The following FAM171A1 variants were observed in gnomAD, a reference collection of about 807,000 sequenced individuals.
The protein encoded by FAM171A1 is protein FAM171A1.
In FAM171A1, 23 loss-of-function variants were observed where a neutral mutation model predicts 74.9. The observed-to-expected ratio is 0.31, with a 90% CI of 0.22 to 0.44. The LOEUF (loss-of-function observed/expected upper bound fraction) is 0.44, where lower values mean the gene tolerates loss of function less well. Among genes scored for constraint, FAM171A1 ranks in the 20% least tolerant of loss-of-function variants. The pLI, the probability that FAM171A1 is intolerant of heterozygous loss-of-function variation, is 1.00. For synonymous variants in FAM171A1, 527 were observed against 505.7 expected (o/e 1.04, Z -0.57); for missense variants, 1,162 against 1,159.2 (o/e 1.00, Z -0.03).
chr10:15,361,439 T>A (rs1375828948), intron 1 of FAM171A1, among the ~76,000 whole-genome samples: 1 of 152,166 alleles, frequency 6.6e-6, no homozygotes, highest in East Asian at 1.9e-4. Context: ...TCCCAGCATT[T>A]TGGGAGGCTG....
chr10:15,343,636 G>A (rs1412010601), intron 1 of FAM171A1, among the ~76,000 whole-genome samples: 1 of 152,090 alleles, frequency 6.6e-6, no homozygotes, highest in Non-Finnish European at 1.5e-5. Context: ...AAGGCAGGGT[G>A]GCGAAGGAGT....
chr10:15,279,716 A>G lies in FAM171A1; in HGVS notation c.326-3769T>C, dbSNP rs192942872. On this transcript the variant is annotated intron_variant, in intron 2 of 7. Coordinates refer to ENST00000378116, the MANE Select transcript of FAM171A1 (RefSeq NM_001010924.2). ...AGGCGGATCACAAGGTTAAGAGATC[A>G]AGATTATCCTGGCCAACATGGTGAA... Among the ~76,000 whole-genome samples the G allele has an allele frequency of 5.8e-4, 88 of 152,178 alleles. 1 individual carries two copies. In the East Asian group the frequency reaches 0.015, roughly 26 times the overall value.
chr10:15,269,821 C>T (rs185253257), intron 3 of FAM171A1, among the ~76,000 whole-genome samples: 59 of 152,290 alleles, frequency 3.9e-4, no homozygotes, highest in South Asian at 2.1e-4. Context: ...ATAGTTTAAT[C>T]AAATTCAAAT....
intron 3 of FAM171A1, among the ~76,000 whole-genome samples, chr10:15,263,741 G>GTCTGTCTGTCTATCTA (rs1428115509): frequency 2.8e-5 from 4 of 140,654 alleles, no homozygotes; most frequent in Admixed American, 1.4e-4. Flanking sequence ...CTATCTGTCT[G>GTCTGTCTGTCTATCTA]TCTATCTATC....
intron 3 of FAM171A1, 134 bp from the exon 4 acceptor site, chr10:15,255,013 C>T: frequency 2.9e-6 from 2 of 684,700 alleles, no homozygotes; most frequent in South Asian, 3.8e-5. Context: ...GCCTCCCTTC[C>T]CCCATTCATG....
chr10:15,295,901 T>A (rs1023824796), intron 1 of FAM171A1, among the ~76,000 whole-genome samples: 4 of 152,246 alleles, frequency 2.6e-5, no homozygotes, highest in African/African-American at 9.6e-5. Context: ...TTTTCATCTC[T>A]TAAATAGAAC....
chr10:15,273,386 T>G (rs1834852396), intron 3 of FAM171A1, among the ~76,000 whole-genome samples: 1 of 152,172 alleles, frequency 6.6e-6, no homozygotes, highest in Admixed American at 6.5e-5. Flanking sequence ...GCTCTGAAAC[T>G]GAGGCAATAA....
chr10:15,218,076 T>C (rs766570218), intron 6 of FAM171A1, among the ~76,000 whole-genome samples: 6 of 151,182 alleles, frequency 4.0e-5, no homozygotes, highest in Middle Eastern at 3.4e-3. Context: ...CAAAGCATTA[T>C]TGTTTTGTTT....
At chr10:15,243,908 A>G (rs1588508440) in intron 5 of FAM171A1, among the ~76,000 whole-genome samples, 1 of 151,892 alleles carries the variant, frequency 6.6e-6, no homozygotes, top group Non-Finnish European at 1.5e-5. Flanking sequence ...CCGCCACCAC[A>G]CCCGGCTAAT....
At chr10:15,359,398 G>A (rs1835967783) in intron 1 of FAM171A1, among the ~76,000 whole-genome samples, 1 of 152,212 alleles carries the variant, frequency 6.6e-6, no homozygotes, top group East Asian at 1.9e-4. Context: ...GGAGGGAAGG[G>A]ACAGGGAAGT....
chr10:15,277,764 C>CT (rs752758608), intron 2 of FAM171A1, among the ~76,000 whole-genome samples: 198 of 151,030 alleles, frequency 1.3e-3, no homozygotes, highest in Non-Finnish European at 2.2e-3. Context: ...AGTGCTGGCT[C>CT]TTTTTTTTTG....
intron 5 of FAM171A1, among the ~76,000 whole-genome samples, chr10:15,243,284 C>G (rs1208658940): frequency 6.6e-6 from 1 of 152,176 alleles, no homozygotes; most frequent in Non-Finnish European, 1.5e-5. Context: ...CATAAGGGCC[C>G]TTGTGATGGC....
intron 1 of FAM171A1, among the ~76,000 whole-genome samples, chr10:15,352,876 G>A (rs1003566041): frequency 2.0e-5 from 3 of 152,192 alleles, no homozygotes; most frequent in East Asian, 1.9e-4. Flanking sequence ...GGAAGCAAAC[G>A]TATCCATAAA....
At chr10:15,370,767 G>GC (rs1836133051) in intron 1 of FAM171A1, among the ~76,000 whole-genome samples, 189 bp downstream of exon 1, 1 of 77,310 alleles carries the variant, frequency 1.3e-5, no homozygotes, top group African/African-American at 4.9e-5. Context: ...GGGTCACCCC[G>GC]CGTCGCCGGC....
intron 1 of FAM171A1, among the ~76,000 whole-genome samples, chr10:15,370,169 G>A (rs1303433641): frequency 6.6e-6 from 1 of 151,462 alleles, no homozygotes; most frequent in African/African-American, 2.4e-5. Flanking sequence ...GGGCTGGAAA[G>A]CAGATTTGTG....
chr10:15,218,132 T>A (rs1289756103), intron 6 of FAM171A1, among the ~76,000 whole-genome samples: 3 of 152,086 alleles, frequency 2.0e-5, no homozygotes, highest in African/African-American at 7.2e-5. Flanking sequence ...CAGGCTGGAG[T>A]GCAGTGGCAC....
intron 1 of FAM171A1, among the ~76,000 whole-genome samples, chr10:15,353,831 A>G (rs1229415743): frequency 1.3e-5 from 2 of 152,102 alleles, no homozygotes; most frequent in Admixed American, 1.3e-4. Flanking sequence ...AAAAAACAAG[A>G]GGGAAGAAAG....
chr10:15,272,120 T>C lies in FAM171A1; in HGVS notation c.418+3735A>G, dbSNP rs186991793. On this transcript the variant is annotated intron_variant, in intron 3 of 7. Coordinates refer to ENST00000378116, the MANE Select transcript of FAM171A1 (RefSeq NM_001010924.2). ...TGGATAAACAGTCAAGACCCATCAGTGTGCTGTATTCAGGAGACCCATCTC... is the reference window on the plus strand; with the variant it reads ...TGGATAAACAGTCAAGACCCATCAGCGTGCTGTATTCAGGAGACCCATCTC... Among the ~76,000 whole-genome samples, 818 of 152,238 alleles carry C rather than the reference T, an allele frequency of 5.4e-3. 6 individuals are homozygous for C. Among genetic ancestry groups the C allele is most frequent in the African/African-American group, 0.019 (783 of 41,528 alleles).
intron 5 of FAM171A1, among the ~76,000 whole-genome samples, chr10:15,222,141 G>T (rs943335987): frequency 6.6e-6 from 1 of 152,082 alleles, no homozygotes; most frequent in Non-Finnish European, 1.5e-5. Flanking sequence ...GAGATGTCCC[G>T]GCATACACAG....
Sources: allele counts gnomAD v4.1 joint callset (sites outside exome capture counted in the v4.1 genomes callset), GRCh38; gene constraint gnomAD v4.1.1; transcripts MANE v1.5; gene names NCBI Gene and HGNC (gene_info 2026-07-23, HGNC 2026-07-21).